The following GULP1 variants were observed in gnomAD, a reference collection of about 807,000 sequenced individuals.
The protein encoded by GULP1 is PTB domain-containing engulfment adapter protein 1.
A neutral mutation model predicts 40.9 loss-of-function variants in GULP1; 19 were observed. That is an observed-to-expected ratio of 0.46 (90% CI 0.32 to 0.68). The LOEUF (loss-of-function observed/expected upper bound fraction) is 0.68. Among genes scored for constraint, GULP1 ranks in the 30% least tolerant of loss-of-function variants. The pLI, the probability that GULP1 is intolerant of heterozygous loss-of-function variation, is 0.03. For synonymous variants in GULP1, 119 were observed against 117.6 expected, an observed-to-expected ratio of 1.01 and a Z score of -0.08; for missense variants, 312 against 362.2, an observed-to-expected ratio of 0.86 and a Z score of 1.12.
intron 1 of GULP1, among the ~76,000 whole-genome samples, chr2:188,378,448 C>T (rs1283260575): frequency 6.6e-6 from 1 of 152,028 alleles, no homozygotes; most frequent in East Asian, 1.9e-4. Flanking sequence ...TGTACGTTGT[C>T]TTTGTATTGC....
chr2:188,556,553 A>G (rs1430673891), intron 7 of GULP1, among the ~76,000 whole-genome samples: 1 of 151,966 alleles, frequency 6.6e-6, no homozygotes, highest in Non-Finnish European at 1.5e-5. Flanking sequence ...TTTCTTTTTT[A>G]TTAAGATCTA....
At chr2:188,432,645 T>A (rs1049888871) in intron 2 of GULP1, among the ~76,000 whole-genome samples, 1 of 152,080 alleles carries the variant, frequency 6.6e-6, no homozygotes, top group Non-Finnish European at 1.5e-5. Context: ...AATATAAAAC[T>A]GCTTAATCAA....
At chr2:188,438,608 C>G (rs905345055) in intron 2 of GULP1, among the ~76,000 whole-genome samples, 1 of 151,026 alleles carries the variant, frequency 6.6e-6, no homozygotes. Flanking sequence ...TTGCATTATT[C>G]CCAATTCTTT....
At chr2:188,369,273 T>A (rs925323650) in intron 1 of GULP1, among the ~76,000 whole-genome samples, 6 of 151,830 alleles carry the variant, frequency 4.0e-5, no homozygotes, top group African/African-American at 7.3e-5. Context: ...AAAAAAAATA[T>A]TTTTACAGTG....
At chr2:188,532,580 G>A (rs2153256778) in intron 6 of GULP1, among the ~76,000 whole-genome samples, 1 of 152,126 alleles carries the variant, frequency 6.6e-6, no homozygotes, top group South Asian at 2.1e-4. Flanking sequence ...TTTTCTGCAT[G>A]ATTTCATCTG....
chr2:188,368,874 G>T (rs1005753650), intron 1 of GULP1, among the ~76,000 whole-genome samples: 1 of 141,312 alleles, frequency 7.1e-6, no homozygotes, highest in Non-Finnish European at 1.5e-5. Context: ...TTTTCATTGG[G>T]TTAGTATAAT....
At chr2:188,313,667 T>G (rs977874736) in intron 1 of GULP1, among the ~76,000 whole-genome samples, 2 of 152,184 alleles carry the variant, frequency 1.3e-5, no homozygotes, top group African/African-American at 4.8e-5. Flanking sequence ...AATGGTAGTT[T>G]GATGGGAATG....
At chr2:188,448,941 G>T (rs908470467) in intron 2 of GULP1, among the ~76,000 whole-genome samples, 1 of 152,116 alleles carries the variant, frequency 6.6e-6, no homozygotes, top group Non-Finnish European at 1.5e-5. Context: ...GCTCCCTGAG[G>T]TCTCCCTGGA....
intron 1 of GULP1, among the ~76,000 whole-genome samples, chr2:188,300,449 A>G (rs1188344200): frequency 6.6e-6 from 1 of 152,018 alleles, no homozygotes; most frequent in Non-Finnish European, 1.5e-5. Context: ...ATTTGGTTAT[A>G]TGGTGTGGAT....
chr2:188,338,154 C>G (rs1291359181), intron 1 of GULP1, among the ~76,000 whole-genome samples: 1 of 152,052 alleles, frequency 6.6e-6, no homozygotes, highest in Admixed American at 6.5e-5. Context: ...TTACTAGGCT[C>G]CTCAATATAT....
intron 2 of GULP1, among the ~76,000 whole-genome samples, chr2:188,413,280 A>G (rs1464200972): frequency 6.6e-6 from 1 of 152,166 alleles, no homozygotes; most frequent in Non-Finnish European, 1.5e-5. Flanking sequence ...TGTCTTCCAC[A>G]ATGGTTGAAC....
At chr2:188,576,779 C>T (rs996449976) in intron 9 of GULP1, among the ~76,000 whole-genome samples, 5 of 152,028 alleles carry the variant, frequency 3.3e-5, no homozygotes, top group African/African-American at 1.2e-4. Context: ...TGAGAAATTT[C>T]CGTTACTTGA....
chr2:188,456,253 G>T (rs932664950), intron 2 of GULP1, among the ~76,000 whole-genome samples: 4 of 152,214 alleles, frequency 2.6e-5, no homozygotes, highest in African/African-American at 7.2e-5. Flanking sequence ...CAAGACAATG[G>T]GGAAAATGTC....
chr2:188,371,067 T>C (rs2047542254), intron 1 of GULP1, among the ~76,000 whole-genome samples: 1 of 152,138 alleles, frequency 6.6e-6, no homozygotes, highest in Admixed American at 6.6e-5. Flanking sequence ...AGTAAGTCCG[T>C]GGTTGCTGTA....
chr2:188,297,975 T>C (rs372886970), intron 1 of GULP1, among the ~76,000 whole-genome samples: 35 of 152,278 alleles, frequency 2.3e-4, no homozygotes, highest in African/African-American at 7.7e-4. Context: ...AGTAAAATTT[T>C]AATAGCAAAT....
intron 2 of GULP1, among the ~76,000 whole-genome samples, chr2:188,454,530 G>T (rs1227265429): frequency 6.6e-6 from 1 of 152,202 alleles, no homozygotes; most frequent in African/African-American, 2.4e-5. Context: ...ATTTACCCAG[G>T]ACAGCCTTTG....
intron 2 of GULP1, among the ~76,000 whole-genome samples, chr2:188,413,719 T>C (rs1425286007): frequency 6.6e-6 from 1 of 152,210 alleles, no homozygotes; most frequent in Non-Finnish European, 1.5e-5. Flanking sequence ...AGCCACAATA[T>C]AAATTCCTAG....
At chr2:188,339,030 C>T (rs1294856525) in intron 1 of GULP1, among the ~76,000 whole-genome samples, 1 of 152,172 alleles carries the variant, frequency 6.6e-6, no homozygotes, top group Non-Finnish European at 1.5e-5. Context: ...ATCCATCTTC[C>T]AGTGCCTCTG....
At chr2:188,537,201 G>C (rs1689165552) in intron 6 of GULP1, among the ~76,000 whole-genome samples, 1 of 151,740 alleles carries the variant, frequency 6.6e-6, no homozygotes, top group African/African-American at 2.4e-5. Context: ...TGATTCCTCT[G>C]GCAAGGACTT....
Sources: gnomAD v4.1 joint callset for allele counts (sites outside exome capture counted in the v4.1 genomes callset) on GRCh38, gnomAD v4.1.1 for gene constraint, MANE v1.5 for transcripts, NCBI Gene and HGNC (gene_info 2026-07-23, HGNC 2026-07-21) for gene names.